ADARB2: variants seen among roughly 807,000 people sequenced by gnomAD.
ADARB2 encodes the protein inactive double-stranded RNA-specific editase B2.
In ADARB2, 25 loss-of-function variants were observed where a neutral mutation model predicts 62.2. That is an observed-to-expected ratio of 0.40 (90% CI 0.29 to 0.56). The LOEUF is 0.56. Ranked by LOEUF, ADARB2 falls within the 20% of genes least tolerant of loss-of-function variation. ADARB2 has a pLI of 0.43. For synonymous variants in ADARB2, 572 were observed against 500.8 expected (o/e 1.14, Z -1.90); for missense variants, 1,071 against 1,077.4 (o/e 0.99, Z 0.08).
chr10:1,447,768 C>G (rs1185091450), intron 1 of ADARB2, among the ~76,000 whole-genome samples: 1 of 152,098 alleles, frequency 6.6e-6, no homozygotes, highest in Non-Finnish European at 1.5e-5. Flanking sequence ...TCTATTGTTT[C>G]CTTTTTCATG....
At chr10:1,507,699 G>T (rs1344896622) in intron 1 of ADARB2, among the ~76,000 whole-genome samples, 2 of 152,226 alleles carry the variant, frequency 1.3e-5, no homozygotes, top group African/African-American at 4.8e-5. Context: ...GAGGGGCAGG[G>T]TGCTGTCTGA....
At chr10:1,541,460 C>T (rs1194191752) in intron 1 of ADARB2, among the ~76,000 whole-genome samples, 1 of 86,442 alleles carries the variant, frequency 1.2e-5, no homozygotes, top group Non-Finnish European at 2.3e-5. Context: ...CCGTCCAGAC[C>T]CCACTCAGAC....
rs1389131858 is a variant in ADARB2 at position 1,423,846 on chromosome 10, G to GGACCACTATGTATGCAGTAA, written c.101-44706_101-44687dup. ...CAGTAAATCCACTACGTATGCAGCA[G>GGACCACTATGTATGCAGTAA]GACCACTATGTATGCAGTAAGACCA... On this transcript the variant is annotated intron_variant, in intron 1 of 9. Coordinates refer to ENST00000381312, the MANE Select transcript of ADARB2 (RefSeq NM_018702.4). Among the ~76,000 whole-genome samples the GGACCACTATGTATGCAGTAA allele has an allele frequency of 8.6e-3, 1,299 of 151,078 alleles. 11 individuals are homozygous for GGACCACTATGTATGCAGTAA. The highest frequency in any genetic ancestry group is 0.013 in the Non-Finnish European group (886 of 67,578).
At chr10:1,442,828 GA>G (rs1830921895) in intron 1 of ADARB2, among the ~76,000 whole-genome samples, 1 of 152,132 alleles carries the variant, frequency 6.6e-6, no homozygotes, top group African/African-American at 2.4e-5. Flanking sequence ...AAAATAAACA[GA>G]CCAAGAGATG....
intron 1 of ADARB2, among the ~76,000 whole-genome samples, chr10:1,449,372 C>T (rs908671973): frequency 1.6e-4 from 25 of 152,172 alleles, no homozygotes; most frequent in African/African-American, 6.0e-4. Context: ...CATTCAGCTG[C>T]CCCCTCCACT....
At chr10:1,616,609 G>A (rs1833638486) in intron 1 of ADARB2, among the ~76,000 whole-genome samples, 1 of 143,600 alleles carries the variant, frequency 7.0e-6, no homozygotes, top group Non-Finnish European at 1.5e-5. Context: ...ACTGGCCTCA[G>A]AGGGTTGCAT....
intron 3 of ADARB2, among the ~76,000 whole-genome samples, chr10:1,309,334 A>G (rs538650177): frequency 6.6e-6 from 1 of 152,284 alleles, no homozygotes; most frequent in South Asian, 2.1e-4. Flanking sequence ...CCCCATGCCT[A>G]TAGACCAAAA....
At chr10:1,379,025 C>A in intron 2 of ADARB2, 49 bp downstream of exon 2, 1 of 1,535,454 alleles carries the variant, frequency 6.5e-7, no homozygotes, top group South Asian at 1.1e-5. Context: ...GACCCCTGCA[C>A]AAAGGATACA....
chr10:1,562,675 C>T (rs1158700405), intron 1 of ADARB2, among the ~76,000 whole-genome samples: 1 of 152,236 alleles, frequency 6.6e-6, no homozygotes, highest in East Asian at 1.9e-4. Flanking sequence ...GGCTGGCCCT[C>T]GGCATTGGGC....
At chr10:1,648,087 A>C (rs1194224612) in intron 1 of ADARB2, among the ~76,000 whole-genome samples, 1 of 152,202 alleles carries the variant, frequency 6.6e-6, no homozygotes, top group African/African-American at 2.4e-5. Flanking sequence ...TGTTAGCAGA[A>C]AGTTTAGGAA....
chr10:1,231,209 A>G (rs17293713), intron 6 of ADARB2, among the ~76,000 whole-genome samples: 112,447 of 152,050 alleles, frequency 0.74, 41,951 homozygotes, highest in East Asian at 0.99. Flanking sequence ...ATAACTCAGC[A>G]CCAACCCCAA....
intron 1 of ADARB2, among the ~76,000 whole-genome samples, chr10:1,650,183 A>G (rs375545669): frequency 1.3e-5 from 2 of 152,242 alleles, no homozygotes; most frequent in African/African-American, 2.4e-5. Context: ...TGAAGCATAG[A>G]TTAAGTGGCA....
At chr10:1,550,869 GC>G (rs1371786144) in intron 1 of ADARB2, among the ~76,000 whole-genome samples, 1 of 132,144 alleles carries the variant, frequency 7.6e-6, no homozygotes, top group African/African-American at 2.6e-5. Context: ...CGCCGTGCGA[GC>G]CCTGTTTGTG....
At chr10:1,657,949 G>GTCTCTCTTTATCTGATTC (rs1167862460) in intron 1 of ADARB2, among the ~76,000 whole-genome samples, 1 of 79,676 alleles carries the variant, frequency 1.3e-5, no homozygotes, top group Non-Finnish European at 3.6e-5. Context: ...CTGATTCTCT[G>GTCTCTCTTTATCTGATTC]TCTGTGTCTG....
At chr10:1,648,824 G>A (rs577935648) in intron 1 of ADARB2, among the ~76,000 whole-genome samples, 29 of 152,180 alleles carry the variant, frequency 1.9e-4, no homozygotes, top group African/African-American at 6.7e-4. Context: ...TCTTCCATGG[G>A]GTAGGCCATG....
intron 1 of ADARB2, among the ~76,000 whole-genome samples, chr10:1,546,898 G>T (rs1476768777): frequency 3.9e-5 from 6 of 152,258 alleles, no homozygotes; most frequent in African/African-American, 1.4e-4. Context: ...CTGGCTGGAG[G>T]CAGGGCTGCC....
intron 1 of ADARB2, chr10:1,526,747 AAC>A: frequency 2.5e-6 from 1 of 404,558 alleles, no homozygotes; most frequent in Non-Finnish European, 5.3e-6. Flanking sequence ...CCTTTCTAGC[AAC>A]ACACACGGAC....
Position 1,379,155 on chromosome 10 carries a change from C to A in ADARB2, c.106G>T (p.Val36Leu). 6.2e-7 allele frequency: 1 copy of A among 1,611,660 alleles called. No homozygotes were observed. The highest frequency in any genetic ancestry group is 8.5e-7 in the Non-Finnish European group (1 of 1,177,864). The change falls in exon 2 of 10, where the codon GTA becomes TTA. Residue 36 changes from valine to leucine, a missense_variant. Coordinates refer to ENST00000381312, the MANE Select transcript of ADARB2 (RefSeq NM_018702.4). ...RRRRSKRKDK[V>L]SILSTFLAPF... ...GCGAGGAAGGTTGACAATATGCTTACTTTATCTGGAAAGAAAAGAACAGGA... is the reference window on the plus strand; with the variant it reads ...GCGAGGAAGGTTGACAATATGCTTAATTTATCTGGAAAGAAAAGAACAGGA...
chr10:1,207,360 T>A (rs112927784), intron 7 of ADARB2, among the ~76,000 whole-genome samples: 1 of 152,194 alleles, frequency 6.6e-6, no homozygotes, highest in Non-Finnish European at 1.5e-5. Flanking sequence ...TGTACAATTT[T>A]ACTCTTTTAA....
Sources: gnomAD v4.1 joint callset for allele counts (sites outside exome capture counted in the v4.1 genomes callset) on GRCh38, gnomAD v4.1.1 for gene constraint, MANE v1.5 for transcripts, NCBI Gene and HGNC (gene_info 2026-07-23, HGNC 2026-07-21) for gene names.